RALGAPA2: variants seen among roughly 807,000 people sequenced by gnomAD.
RALGAPA2 encodes the protein Ral GTPase activating protein catalytic subunit alpha 2, also known as ral GTPase-activating protein subunit alpha-2.
Under a neutral mutation model 230.4 loss-of-function variants are expected in RALGAPA2, and 139 were observed. The ratio of observed to expected loss-of-function variants is 0.60; its 90% CI spans 0.53 to 0.69. RALGAPA2 has a LOEUF of 0.69. Ranked by LOEUF, RALGAPA2 falls within the 30% of genes least tolerant of loss-of-function variation. The probability of loss-of-function intolerance (pLI) is 0.00; values close to 1 mark genes in which losing one functional copy is unlikely to be tolerated. For missense variants in RALGAPA2, 2,163 were observed against 2,276.0 expected, an observed-to-expected ratio of 0.95 and a Z score of 1.01; for synonymous variants, 847 against 837.8, an observed-to-expected ratio of 1.01 and a Z score of -0.19.
At chr20:20,585,018 T>C (rs2065092932) in intron 18 of RALGAPA2, 63 bp from the exon 19 acceptor site, 1 of 1,027,880 alleles carries the variant, frequency 9.7e-7, no homozygotes, top group Non-Finnish European at 1.4e-6. Context: ...AAGACTTAAG[T>C]TTCTAGCCCA....
intron 37 of RALGAPA2, among the ~76,000 whole-genome samples, chr20:20,434,252 G>A (rs1349144166): frequency 6.6e-6 from 1 of 152,158 alleles, no homozygotes; most frequent in Non-Finnish European, 1.5e-5. Context: ...CCTCTCATGG[G>A]AACTCATGGG....
chr20:20,571,568 A>G lies in RALGAPA2; in HGVS notation c.3046T>C (p.Tyr1016His), dbSNP rs1400042448. 2.5e-6 allele frequency: 4 copies of G among 1,612,096 alleles called. No homozygotes were observed. Among genetic ancestry groups the G allele is most frequent in the Non-Finnish European group, 3.4e-6 (4 of 1,179,142 alleles). ...NEYKEGKLQAYRLICAMMTRR... is the reference protein window; with the variant it reads ...NEYKEGKLQAHRLICAMMTRR... ...GTCATCATGGCACAGATCAGCCTGT[A>G]GGCTTGTAGTTTGCCTTCCTTATAT... The change falls in exon 23 of 40, where the codon TAC becomes CAC. Residue 1016 changes from tyrosine to histidine, a missense_variant. By Grantham distance (83) the Tyr-to-His change is moderately conservative. Coordinates refer to ENST00000202677, the MANE Select transcript of RALGAPA2 (RefSeq NM_020343.4).
At chr20:20,637,210 T>G (rs1328971232) in intron 8 of RALGAPA2, among the ~76,000 whole-genome samples, 153 bp downstream of exon 8, 1 of 152,230 alleles carries the variant, frequency 6.6e-6, no homozygotes, top group Non-Finnish European at 1.5e-5. Context: ...TTAAAATCAC[T>G]TATTAAGAAA....
intron 17 of RALGAPA2, 150 bp downstream of exon 17, chr20:20,591,027 C>T (rs2065272943): frequency 3.2e-6 from 3 of 929,530 alleles, no homozygotes; most frequent in Non-Finnish European, 4.4e-6. Context: ...TATTTCATTG[C>T]CATAAATCAC....
intron 36 of RALGAPA2, among the ~76,000 whole-genome samples, chr20:20,490,673 C>A (rs751054073): frequency 1.4e-4 from 21 of 152,112 alleles, no homozygotes; most frequent in Non-Finnish European, 2.6e-4. Flanking sequence ...ACCGTGAGGC[C>A]ACACTAGTAA....
At chr20:20,447,003 G>C (rs1602393117) in intron 37 of RALGAPA2, among the ~76,000 whole-genome samples, 1 of 152,190 alleles carries the variant, frequency 6.6e-6, no homozygotes, top group South Asian at 2.1e-4. Flanking sequence ...GATTGGCAGG[G>C]ATAGCATTTT....
In RALGAPA2 at chr20:20,495,195, A is replaced by C; in HGVS notation, c.5289T>G (p.Thr1763=). Residue 1763 remains threonine (T), a synonymous_variant, in exon 36 of 40, where the codon ACT becomes ACG. Coordinates refer to ENST00000202677, the MANE Select transcript of RALGAPA2 (RefSeq NM_020343.4). ...TAATGATTGAAACATCTCCAAAGGC[A>C]GTTGGGATAATACCCCTGCGGTAGT... ...SRDYRRGIIP[T]AFGDVSIIIY... 3.7e-6 allele frequency: 6 copies of C among 1,611,988 alleles called. No individual in the cohort carries two copies. Among genetic ancestry groups the C allele is most frequent in the East Asian group, 2.2e-5 (1 of 44,860 alleles).
At chr20:20,587,764 T>A (rs1010523377) in intron 18 of RALGAPA2, among the ~76,000 whole-genome samples, 37 of 152,024 alleles carry the variant, frequency 2.4e-4, no homozygotes, top group African/African-American at 8.9e-4. Flanking sequence ...AGGATCAGTA[T>A]TCATACCATA....
intron 36 of RALGAPA2, among the ~76,000 whole-genome samples, chr20:20,479,313 T>G (rs2061720477): frequency 6.6e-6 from 1 of 152,200 alleles, no homozygotes; most frequent in Admixed American, 6.5e-5. Flanking sequence ...GAAAATATAC[T>G]CATTTTATTA....
intron 10 of RALGAPA2, among the ~76,000 whole-genome samples, chr20:20,623,007 T>C (rs917267794): frequency 2.6e-5 from 4 of 152,110 alleles, no homozygotes; most frequent in Non-Finnish European, 5.9e-5. Context: ...ACTATTAAAG[T>C]AACTACAAAT....
intron 23 of RALGAPA2, among the ~76,000 whole-genome samples, chr20:20,548,152 A>C (rs557482351): frequency 1.3e-5 from 2 of 150,764 alleles, no homozygotes; most frequent in Admixed American, 6.6e-5. Context: ...CACACACACA[A>C]AATCCTAGTT....
At chr20:20,540,665 T>C (rs911541283) in intron 24 of RALGAPA2, among the ~76,000 whole-genome samples, 24 of 152,202 alleles carry the variant, frequency 1.6e-4, no homozygotes, top group African/African-American at 5.5e-4. Flanking sequence ...TTTTCCCATC[T>C]TGGCAACACT....
chr20:20,510,733 T>C (rs191395728), intron 33 of RALGAPA2, among the ~76,000 whole-genome samples: 42 of 152,180 alleles, frequency 2.8e-4, no homozygotes, highest in Admixed American at 1.6e-3. Context: ...AGAACAGGGG[T>C]GGATCTGAGT....
At chr20:20,688,187 T>C (rs1292140147) in intron 1 of RALGAPA2, among the ~76,000 whole-genome samples, 1 of 151,876 alleles carries the variant, frequency 6.6e-6, no homozygotes, top group Non-Finnish European at 1.5e-5. Flanking sequence ...AAAATGCCTA[T>C]AAATACAGAC....
chr20:20,671,582 G>A (rs2068136919), intron 3 of RALGAPA2, among the ~76,000 whole-genome samples: 1 of 152,136 alleles, frequency 6.6e-6, no homozygotes, highest in Non-Finnish European at 1.5e-5. Context: ...CAGAGACAGA[G>A]GGAACATAAG....
At chr20:20,684,044 ACT>A (rs1277982484) in intron 1 of RALGAPA2, among the ~76,000 whole-genome samples, 4 of 152,214 alleles carry the variant, frequency 2.6e-5, no homozygotes, top group Admixed American at 6.5e-5. Flanking sequence ...TCTAACAGAC[ACT>A]CTCTGACTCT....
intron 37 of RALGAPA2, among the ~76,000 whole-genome samples, chr20:20,456,378 G>A (rs1206975794): frequency 6.6e-6 from 1 of 152,236 alleles, no homozygotes; most frequent in Admixed American, 6.5e-5. Flanking sequence ...CCCTCACCCA[G>A]TGTGGTCAGT....
At chr20:20,527,945 T>C (rs554151150) in intron 27 of RALGAPA2, among the ~76,000 whole-genome samples, 1 of 152,046 alleles carries the variant, frequency 6.6e-6, no homozygotes, top group Non-Finnish European at 1.5e-5. Flanking sequence ...AAGGGAAAAT[T>C]ACGAGAGCCC....
intron 37 of RALGAPA2, among the ~76,000 whole-genome samples, chr20:20,457,618 C>T (rs1429229456): frequency 3.9e-5 from 6 of 152,210 alleles, no homozygotes; most frequent in Admixed American, 3.9e-4. Flanking sequence ...GCATGGCTGG[C>T]GTCCTGGTCA....
Sources: gnomAD v4.1 joint callset for allele counts (sites outside exome capture counted in the v4.1 genomes callset) on GRCh38, gnomAD v4.1.1 for gene constraint, MANE v1.5 for transcripts, NCBI Gene and HGNC (gene_info 2026-07-23, HGNC 2026-07-21) for gene names.